The following OCA2 variants were observed in gnomAD, a reference collection of about 807,000 sequenced individuals.
OCA2 encodes P protein.
OCA2 carries 77 observed loss-of-function variants against 100.2 expected under a neutral mutation model. That is an observed-to-expected ratio of 0.77 (90% CI 0.64 to 0.93). The LOEUF (loss-of-function observed/expected upper bound fraction) is 0.93, where lower values mean the gene tolerates loss of function less well. Ranked by LOEUF, OCA2 falls within the 40% of genes least tolerant of loss-of-function variation. The pLI is 0.00. For missense variants in OCA2, 1,062 were observed against 1,089.1 expected, an observed-to-expected ratio of 0.98 and a Z score of 0.35; for synonymous variants, 432 against 439.2, an observed-to-expected ratio of 0.98 and a Z score of 0.21.
Position 27,754,956 on chromosome 15 carries a change from G to T in OCA2, c.*432C>A, listed in dbSNP as rs1595356629. 4.4e-6 allele frequency: 1 copy of T among 227,440 alleles called. No homozygotes were observed. The highest frequency in any genetic ancestry group is 8.9e-6 in the Non-Finnish European group (1 of 112,616). 14.1% of individuals were successfully genotyped at this position (227,440 alleles called of 1,614,324 possible). On this transcript the variant is annotated 3_prime_UTR_variant, in exon 24 of 24. Transcript: ENST00000354638. ...CCTTTTCCCAGAAAGTCTATATTCA[G>T]AAAGCATACAATTTGAATGCTGATT...
In OCA2 at chr15:28,081,683, T is replaced by C; in HGVS notation, c.192A>G (p.Ala64=). 1 of 1,613,834 alleles carries C rather than the reference T, an allele frequency of 6.2e-7. No individual in the cohort carries two copies. The change falls in exon 2 of 24, where the codon GCA becomes GCG. Residue 64 remains alanine (A), a synonymous_variant. Transcript: ENST00000354638. The part of the protein sequence containing the change: ...GAAGQSSWAP[A]GQEFASFLTK... The stretch of plus-strand genomic sequence containing the variant: ...TGAGGAATGAAGCAAACTCCTGGCC[T>C]GCAGGAGCCCAAGAGCTCTGCCCGG...
At chr15:27,987,555 TA>T (rs34819807) in intron 11 of OCA2, among the ~76,000 whole-genome samples, 26,297 of 140,592 alleles carry the variant, frequency 0.19, 3,343 homozygotes, top group East Asian at 0.69. Context: ...CCATCTCTAC[TA>T]AAAAAAAAAA....
chr15:27,996,786 T>C (rs1014660471), intron 9 of OCA2, among the ~76,000 whole-genome samples: 2 of 151,908 alleles, frequency 1.3e-5, no homozygotes, highest in Non-Finnish European at 2.9e-5. Flanking sequence ...AGTAAGAAGA[T>C]TGAAGCACTA....
intron 21 of OCA2, among the ~76,000 whole-genome samples, chr15:27,861,009 G>C (rs2036109913): frequency 6.6e-6 from 1 of 152,228 alleles, no homozygotes; most frequent in Non-Finnish European, 1.5e-5. Flanking sequence ...CAGGAGCAGG[G>C]CAAGAGTGGA....
At chr15:28,041,321 T>TAA (rs3071601) in intron 2 of OCA2, among the ~76,000 whole-genome samples, 1 of 144,962 alleles carries the variant, frequency 6.9e-6, no homozygotes, top group Non-Finnish European at 1.5e-5. Context: ...CTTTCATGAT[T>TAA]AAAAAAAAAA....
chr15:27,999,209 T>C (rs963796153), intron 9 of OCA2, among the ~76,000 whole-genome samples: 5 of 151,992 alleles, frequency 3.3e-5, no homozygotes, highest in African/African-American at 9.7e-5. Flanking sequence ...CAAGAAAAAA[T>C]GCTCAACAAA....
intron 21 of OCA2, among the ~76,000 whole-genome samples, chr15:27,856,439 C>A (rs1482284923): frequency 6.6e-6 from 1 of 152,090 alleles, no homozygotes; most frequent in Admixed American, 6.6e-5. Flanking sequence ...GGTTGTCACT[C>A]CCCATCTCTC....
Position 28,013,487 on chromosome 15 carries a change from A to G in OCA2, c.1044+1289T>C, listed in dbSNP as rs557792164. Among the ~76,000 whole-genome samples, 6 of 152,200 alleles carry G rather than the reference A, an allele frequency of 3.9e-5. No individual in the cohort carries two copies. In the South Asian group the frequency reaches 1.2e-3, roughly 32 times the overall value. Reference sequence around the variant, plus strand: ...GCATGCCCAGACTGTATAAAATGTGATTTATAAATGGTGCGCACCTGCTTG... The same window carrying G: ...GCATGCCCAGACTGTATAAAATGTGGTTTATAAATGGTGCGCACCTGCTTG... On this transcript the variant is annotated intron_variant, in intron 9 of 23. Transcript: ENST00000354638.
the OCA2 span, among the ~76,000 whole-genome samples, chr15:27,743,590 C>T: frequency 1.2e-4 from 18 of 152,132 alleles, no homozygotes; most frequent in Admixed American, 6.5e-5. Flanking sequence ...GGTCTGCCCA[C>T]GTGTCAGGCC....
intron 23 of OCA2, among the ~76,000 whole-genome samples, chr15:27,835,775 G>C (rs2035126251): frequency 6.6e-6 from 1 of 152,164 alleles, no homozygotes; most frequent in South Asian, 2.1e-4. Context: ...CAGCACCTCA[G>C]TAACAGTGTG....
At chr15:28,001,056 A>G (rs1028535775) in intron 9 of OCA2, among the ~76,000 whole-genome samples, 2 of 152,182 alleles carry the variant, frequency 1.3e-5, no homozygotes, top group Non-Finnish European at 2.9e-5. Flanking sequence ...AACTTTCACC[A>G]AACTTAAAAA....
intron 23 of OCA2, among the ~76,000 whole-genome samples, chr15:27,770,360 C>T (rs2031626611): frequency 6.6e-6 from 1 of 152,188 alleles, no homozygotes; most frequent in African/African-American, 2.4e-5. Flanking sequence ...TTTCAGTGCG[C>T]CCGGTTTCTC....
intron 21 of OCA2, among the ~76,000 whole-genome samples, chr15:27,864,602 T>G (rs1238020660): frequency 6.6e-6 from 1 of 152,082 alleles, no homozygotes; most frequent in Non-Finnish European, 1.5e-5. Context: ...AGGAGATGCC[T>G]GAGAAACTGC....
chr15:27,946,998 G>T (rs540502610), intron 18 of OCA2, among the ~76,000 whole-genome samples: 34 of 152,310 alleles, frequency 2.2e-4, no homozygotes. Context: ...TGGACAGACA[G>T]GCCCTGCTGG....
chr15:27,844,748 G>A (rs976309839), intron 23 of OCA2, among the ~76,000 whole-genome samples: 2 of 151,962 alleles, frequency 1.3e-5, no homozygotes, highest in Non-Finnish European at 2.9e-5. Context: ...CAATCCACCC[G>A]TCTCGCCCTC....
At chr15:28,066,267 G>T (rs1284901972) in intron 2 of OCA2, among the ~76,000 whole-genome samples, 1 of 152,112 alleles carries the variant, frequency 6.6e-6, no homozygotes, top group African/African-American at 2.4e-5. Context: ...CAAATGGAAA[G>T]ATAAGCCATG....
rs185110114 is a variant in OCA2 at position 27,771,717 on chromosome 15, C to T, written c.2433-16245G>A. On this transcript the variant is annotated intron_variant, in intron 23 of 23. Transcript: ENST00000354638. ...TGTATTTTTTTTATCAGCATGTAATCGTCTGACTTTAATCTTCTTTACCTC... is the reference window on the plus strand; with the variant it reads ...TGTATTTTTTTTATCAGCATGTAATTGTCTGACTTTAATCTTCTTTACCTC... Among the ~76,000 whole-genome samples, 352 of 152,282 alleles carry T rather than the reference C, an allele frequency of 2.3e-3. 4 individuals carry two copies. Among genetic ancestry groups the T allele is most frequent in the African/African-American group, 8.2e-3 (341 of 41,560 alleles).
intron 23 of OCA2, among the ~76,000 whole-genome samples, chr15:27,806,271 G>A (rs2033843160): frequency 6.6e-6 from 1 of 152,222 alleles, no homozygotes. Context: ...ACTTTCTAGA[G>A]AGAAAATAGT....
At chr15:28,024,621 T>C (rs1462804076) in intron 5 of OCA2, among the ~76,000 whole-genome samples, 4 of 152,196 alleles carry the variant, frequency 2.6e-5, no homozygotes, top group African/African-American at 9.7e-5. Flanking sequence ...CTGCCCGGCT[T>C]CTGCCGTGTG....
Sources: allele counts gnomAD v4.1 joint callset (sites outside exome capture counted in the v4.1 genomes callset), GRCh38; gene constraint gnomAD v4.1.1; transcripts MANE v1.5; gene names NCBI Gene and HGNC (gene_info 2026-07-23, HGNC 2026-07-21).